Variants in USP25 observed in about 807,000 individuals in gnomAD.
The protein encoded by USP25 is ubiquitin specific peptidase 25.
USP25 carries 85 observed loss-of-function variants against 158.5 expected under a neutral mutation model. The ratio of observed to expected loss-of-function variants is 0.54; its 90% confidence interval spans 0.45 to 0.64. USP25 has a LOEUF of 0.64. Among genes scored for constraint, USP25 ranks in the 30% least tolerant of loss-of-function variants. The pLI, the probability that USP25 is intolerant of heterozygous loss-of-function variation, is 0.00. For synonymous variants in USP25, 464 were observed against 460.4 expected (o/e 1.01, Z -0.10); for missense variants, 1,242 against 1,327.3 (o/e 0.94, Z 1.00).
chr21:15,815,682 G>A (rs1359694460), intron 9 of USP25, among the ~76,000 whole-genome samples: 1 of 152,206 alleles, frequency 6.6e-6, no homozygotes, highest in Non-Finnish European at 1.5e-5. Context: ...TGGAATGGCT[G>A]TATTTACCCA....
intron 10 of USP25, among the ~76,000 whole-genome samples, chr21:15,819,434 A>G (rs1385991392): frequency 1.3e-5 from 2 of 152,112 alleles, no homozygotes; most frequent in South Asian, 2.1e-4. Context: ...TCATCCATGC[A>G]TTCATCTGTC....
chr21:15,799,697 T>G (rs2146249480), intron 5 of USP25, 60 bp from the exon 6 acceptor site: 1 of 1,244,736 alleles, frequency 8.0e-7, no homozygotes, highest in Non-Finnish European at 1.1e-6. Context: ...GACTAGTCAT[T>G]TTTACATTCT....
In USP25 at chr21:15,833,439, A is replaced by T; in HGVS notation, c.2085A>T (p.Arg695=). 1 of 1,614,136 alleles carries T rather than the reference A, an allele frequency of 6.2e-7. No homozygotes were observed. Among genetic ancestry groups the T allele is most frequent in the Non-Finnish European group, 8.5e-7 (1 of 1,180,006 alleles). ...ATTTTGTTGAGGAAGACAACCAACG[A>T]TTTGAAAAAGAACTAGAAGAATGGG... ...LRDFVEEDNQ[R]FEKELEEWDA... is the part of the protein sequence containing the mutation. The change falls in exon 17 of 26, where the codon CGA becomes CGT. Residue 695 remains arginine, a synonymous_variant. Transcript: ENST00000400183.
chr21:15,780,183 A>G (rs148779996), intron 4 of USP25, among the ~76,000 whole-genome samples: 362 of 152,282 alleles, frequency 2.4e-3, no homozygotes, highest in African/African-American at 8.2e-3. Flanking sequence ...TTTGCTTATT[A>G]TATTTTAGTA....
In USP25 at chr21:15,766,043, A is replaced by G; in HGVS notation, c.170A>G (p.Lys57Arg). The G allele has an allele frequency of 6.2e-7, 1 of 1,609,764 alleles. No homozygotes were observed. Among genetic ancestry groups the G allele is most frequent in the Non-Finnish European group, 8.5e-7 (1 of 1,177,644 alleles). Residue 57 changes from lysine (K) to arginine (R), a missense_variant, in exon 3 of 26, where the codon AAG becomes AGG. Transcript: ENST00000400183. This position sits in a 1 kb window ranked among gnomAD's most constrained non-coding sequence, Gnocchi z 4.0. Reference sequence around the variant, plus strand: ...TTAGCAGTGGCTTTCCTTACTGCGAAGAATGCTAAGACCCCTCAGCAGGAG... The same window carrying G: ...TTAGCAGTGGCTTTCCTTACTGCGAGGAATGCTAAGACCCCTCAGCAGGAG... ...LELAVAFLTA[K>R]NAKTPQQEET...
At chr21:15,786,269 T>C (rs149463754) in intron 4 of USP25, among the ~76,000 whole-genome samples, 1 of 152,246 alleles carries the variant, frequency 6.6e-6, no homozygotes, top group East Asian at 1.9e-4. Context: ...GAGGAGGGAA[T>C]ACTTCCAAAC....
rs149774894 is a variant in USP25, at chr21:15,789,212, A to T, written c.393-2290A>T. On this transcript the variant is annotated intron_variant, in intron 4 of 25. Coordinates refer to ENST00000400183, the MANE Select transcript of USP25 (RefSeq NM_001283041.3). ...ATTTTGTATGTAAACATGCCAATCA[A>T]GTGGTGTATATTTTTTGGTAGAGCA... Among the ~76,000 whole-genome samples, 116 of 152,202 alleles carry T rather than the reference A, an allele frequency of 7.6e-4. 1 individual carries two copies. The highest frequency in any genetic ancestry group is 2.6e-3 in the African/African-American group (108 of 41,544).
At chr21:15,825,996 C>T (rs189402470) in intron 12 of USP25, among the ~76,000 whole-genome samples, 2 of 152,190 alleles carry the variant, frequency 1.3e-5, no homozygotes, top group Middle Eastern at 3.4e-3. Flanking sequence ...CACATTCAGT[C>T]CCAATCGGCC....
At chr21:15,787,126 G>A (rs1044385980) in intron 4 of USP25, among the ~76,000 whole-genome samples, 3 of 152,086 alleles carry the variant, frequency 2.0e-5, no homozygotes, top group Non-Finnish European at 4.4e-5. Flanking sequence ...ACAAATGGAA[G>A]TAGATCGTAT....
intron 18 of USP25, among the ~76,000 whole-genome samples, chr21:15,844,320 T>A (rs1313008295): frequency 6.6e-6 from 1 of 152,144 alleles, no homozygotes; most frequent in East Asian, 1.9e-4. Flanking sequence ...GGATTAAACA[T>A]TTCTGGATTT....
At position 15,763,189 on chromosome 21, in the gene USP25, CTCTT is replaced by C. The variant is rs369096027; in HGVS notation, c.123+225_123+228del. 2.1e-3 allele frequency among the ~76,000 whole-genome samples: 312 copies of C among 152,140 alleles called. 1 individual carries two copies. The highest frequency in any genetic ancestry group is 0.014 in the Middle Eastern group (4 of 294). On this transcript the variant is annotated intron_variant, in intron 2 of 25. Transcript: ENST00000400183. ...ATGATACCTTAGAGTGACAGATAACCTCTTTCTATATATGAAATGCTTTTTGTGC... is the reference window on the plus strand; with the variant it reads ...ATGATACCTTAGAGTGACAGATAACCTCTATATATGAAATGCTTTTTGTGC...
intron 4 of USP25, among the ~76,000 whole-genome samples, chr21:15,785,159 A>G (rs2035200984): frequency 6.6e-6 from 1 of 152,190 alleles, no homozygotes; most frequent in Non-Finnish European, 1.5e-5. Flanking sequence ...AAAAGAGACA[A>G]AGTCATTATG....
intron 18 of USP25, among the ~76,000 whole-genome samples, chr21:15,846,798 T>A (rs1316579195): frequency 6.6e-6 from 1 of 152,154 alleles, no homozygotes; most frequent in Non-Finnish European, 1.5e-5. Flanking sequence ...ATAAGATAAA[T>A]AAGTATGTAA....
chr21:15,866,816 T>A (rs966366424), intron 22 of USP25, among the ~76,000 whole-genome samples: 8 of 152,142 alleles, frequency 5.3e-5, no homozygotes, highest in African/African-American at 1.7e-4. Flanking sequence ...TTATTCCCAT[T>A]TGACACACGA....
In USP25 at chr21:15,771,973, T is replaced by C. The variant is rs901141351; in HGVS notation, c.268+5832T>C. ...AAGGAAAAACAATGGAAGAACTCTT[T>C]TTTTCTTCTGAATTCAAAATATTTA... On this transcript the variant is annotated intron_variant, in intron 3 of 25. Transcript: ENST00000400183. Among the ~76,000 whole-genome samples the C allele has an allele frequency of 2.6e-5, 4 of 151,800 alleles. No homozygotes were observed. In the East Asian group the frequency reaches 7.8e-4, roughly 30 times the overall value.
Position 15,766,124 on chromosome 21 carries a change from G to C in USP25, c.251G>C (p.Gly84Ala), listed in dbSNP as rs1233186030. 6.3e-7 allele frequency: 1 copy of C among 1,597,962 alleles called. No individual in the cohort carries two copies. Among genetic ancestry groups the C allele is most frequent in the Non-Finnish European group, 8.5e-7 (1 of 1,174,532 alleles). The stretch of plus-strand genomic sequence containing the variant: ...GGCAATGATAGATACATCAGTGTGG[G>C]AAGCCAAGCAGATACAAGTAAGTTT... The part of the protein sequence containing the change: ...LPGNDRYISV[G>A]SQADTNVIDL... Residue 84 changes from glycine (G) to alanine (A), a missense_variant, in exon 3 of 26, where the codon GGA (glycine) becomes GCA (alanine). Gly to Ala is a moderately conservative substitution (Grantham distance 60). This residue lies in a region of USP25 where 627 missense variants were observed against 701.4 expected (regional missense o/e 0.89). Transcript: ENST00000400183. The surrounding 1 kb of genome is among the most constrained non-coding windows in gnomAD (Gnocchi z 4.0).
Position 15,857,385 on chromosome 21 carries a change from A to G in USP25, c.2548-6883A>G, listed in dbSNP as rs146618257. 1.2e-4 allele frequency among the ~76,000 whole-genome samples: 18 copies of G among 152,288 alleles called. No homozygotes were observed. The East Asian group carries it at 3.5e-3, about 29-fold the overall frequency. On this transcript the variant is annotated intron_variant, in intron 20 of 25. Coordinates refer to ENST00000400183, the MANE Select transcript of USP25 (RefSeq NM_001283041.3). ...ACAAGTCAAAGTGCTTGCAAATTTT[A>G]AATACTAGTATTATCAAATTGCCTA...
intron 1 of USP25, among the ~76,000 whole-genome samples, chr21:15,746,328 T>C (rs1233430821): frequency 6.6e-6 from 1 of 152,242 alleles, no homozygotes; most frequent in Non-Finnish European, 1.5e-5. Context: ...AACACATATA[T>C]TTCTCCATTT....
chr21:15,858,400 T>G (rs992554408), intron 20 of USP25, among the ~76,000 whole-genome samples: 2 of 152,002 alleles, frequency 1.3e-5, no homozygotes, highest in Non-Finnish European at 2.9e-5. Flanking sequence ...CTTATGTCCT[T>G]TTGTTTAATT....
Sources: gnomAD v4.1 joint callset for allele counts (sites outside exome capture counted in the v4.1 genomes callset) on GRCh38, gnomAD v4.1.1 for gene constraint, gnomAD v4.1.1 regional missense constraint, Gnocchi (gnomAD v3.1) non-coding constraint, MANE v1.5 for transcripts, NCBI Gene and HGNC (gene_info 2026-07-23, HGNC 2026-07-21) for gene names.